MATN2: variants seen among roughly 807,000 people sequenced by gnomAD.
MATN2 encodes the protein matrilin 2.
Under a neutral mutation model 103.2 loss-of-function variants are expected in MATN2, and 69 were observed. That is an observed-to-expected ratio of 0.67 (90% CI 0.55 to 0.82). The LOEUF (loss-of-function observed/expected upper bound fraction) is 0.82, where lower values mean the gene tolerates loss of function less well. Ranked by LOEUF, MATN2 falls within the 40% of genes least tolerant of loss-of-function variation. The pLI is 0.00. For missense variants in MATN2, 1,023 were observed against 1,211.5 expected (o/e 0.84, Z 2.31); for synonymous variants, 429 against 450.2 (o/e 0.95, Z 0.60).
intron 14 of MATN2, among the ~76,000 whole-genome samples, chr8:98,028,936 T>C (rs1001697456): frequency 2.0e-5 from 3 of 152,258 alleles, no homozygotes; most frequent in Middle Eastern, 6.8e-3. Context: ...CTTTAGCAAG[T>C]CCTGTAAGAG....
At chr8:97,961,057 C>G (rs13268771) in intron 4 of MATN2, among the ~76,000 whole-genome samples, 12,750 of 152,120 alleles carry the variant, frequency 0.084, 654 homozygotes, top group African/African-American at 0.13. Flanking sequence ...TCAAGTGATC[C>G]GCCCACCTCG....
chr8:97,972,278 G>T (rs1435818689), intron 5 of MATN2, among the ~76,000 whole-genome samples: 5 of 150,468 alleles, frequency 3.3e-5, no homozygotes, highest in Non-Finnish European at 1.5e-5. Context: ...GGCTGAGGTT[G>T]CAGTGAGCCG....
In MATN2 at chr8:97,998,383, T is replaced by A. The variant is rs760434243; in HGVS notation, c.1204+3781T>A. ...AAAAATATTAAAAAATTAGCCGGGC[T>A]TGGTGGCGGGCGCCTGTAGTCCCAA... On this transcript the variant is annotated intron_variant, in intron 7 of 18. Coordinates refer to ENST00000254898, the MANE Select transcript of MATN2 (RefSeq NM_002380.5). Among the ~76,000 whole-genome samples, 7 of 151,034 alleles carry A rather than the reference T, an allele frequency of 4.6e-5. No individual in the cohort carries two copies. In the South Asian group the frequency reaches 1.5e-3, roughly 32 times the overall value.
rs574414299 is a variant in MATN2 at position 97,958,627 on chromosome 8, C to T, written c.836-2781C>T. Among the ~76,000 whole-genome samples, 8 of 152,234 alleles carry T rather than the reference C, an allele frequency of 5.3e-5. No individual in the cohort carries two copies. In the South Asian group the frequency reaches 1.5e-3, roughly 28 times the overall value. On this transcript the variant is annotated intron_variant, in intron 4 of 18. Coordinates refer to ENST00000254898, the MANE Select transcript of MATN2 (RefSeq NM_002380.5). ...CAGGCAACCCAAAGCTACTTCAGCCCGGAACTCAGAAACCTACTGCTGTTC... is the reference window on the plus strand; with the variant it reads ...CAGGCAACCCAAAGCTACTTCAGCCTGGAACTCAGAAACCTACTGCTGTTC...
At chr8:97,936,827 A>C (rs1323862179) in intron 3 of MATN2, among the ~76,000 whole-genome samples, 2 of 152,224 alleles carry the variant, frequency 1.3e-5, no homozygotes, top group Non-Finnish European at 2.9e-5. Context: ...TGAGGCCTGG[A>C]TGCTCTGAAA....
At chr8:97,992,905 G>A (rs1017975171) in intron 6 of MATN2, among the ~76,000 whole-genome samples, 2 of 149,912 alleles carry the variant, frequency 1.3e-5, no homozygotes, top group Admixed American at 1.3e-4. Flanking sequence ...GGGCGATGGA[G>A]CGAGACTCTG....
At chr8:97,972,943 G>A (rs1407938387) in intron 5 of MATN2, among the ~76,000 whole-genome samples, 1 of 152,210 alleles carries the variant, frequency 6.6e-6, no homozygotes, top group Non-Finnish European at 1.5e-5. Flanking sequence ...AGTTATACAA[G>A]AGGTCACCTC....
chr8:97,979,649 A>G (rs560809832), intron 6 of MATN2, among the ~76,000 whole-genome samples: 61 of 152,360 alleles, frequency 4.0e-4, no homozygotes, highest in South Asian at 2.1e-3. Flanking sequence ...AAGGTACATC[A>G]GGAGACTTAA....
chr8:98,019,674 A>T (rs1020252552), intron 12 of MATN2, among the ~76,000 whole-genome samples: 2 of 152,174 alleles, frequency 1.3e-5, no homozygotes, highest in Non-Finnish European at 2.9e-5. Context: ...GCATTAGGAG[A>T]GTACAGAGCA....
At chr8:97,913,861 C>A (rs1203711516) in intron 2 of MATN2, among the ~76,000 whole-genome samples, 1 of 152,198 alleles carries the variant, frequency 6.6e-6, no homozygotes, top group African/African-American at 2.4e-5. Context: ...CCGATCCGCC[C>A]GCCTTGGCCT....
intron 6 of MATN2, among the ~76,000 whole-genome samples, chr8:97,991,586 G>T (rs1307866260): frequency 3.1e-4 from 47 of 152,130 alleles, no homozygotes; most frequent in Non-Finnish European, 1.5e-4. Context: ...GCTGGGTGTG[G>T]TGGTGTGTGC....
At chr8:98,032,424 TA>T in intron 16 of MATN2, 107 bp downstream of exon 16, 1 of 800,138 alleles carries the variant, frequency 1.2e-6, no homozygotes, top group Middle Eastern at 2.3e-4. Context: ...CAAATTATGA[TA>T]ATGAAGGCCT....
At position 98,021,336 on chromosome 8, in the gene MATN2, T is replaced by A. The variant is rs1329813599; in HGVS notation, c.1942+9T>A. On this transcript the variant is annotated intron_variant, in intron 13 of 18. Coordinates refer to ENST00000254898, the MANE Select transcript of MATN2 (RefSeq NM_002380.5). ...CGGAAGACGGTGCAAGAGTAAGTGA[T>A]CTGAACTTGGCTCTCTGCTTTAATT... is the stretch of plus-strand genomic sequence containing the variant. 1 of 1,611,646 alleles carries A rather than the reference T, an allele frequency of 6.2e-7. No individual in the cohort carries two copies. Among genetic ancestry groups the A allele is most frequent in the East Asian group, 2.2e-5 (1 of 44,814 alleles).
rs140104415 is a variant in MATN2, at chr8:97,981,721, C to T, written c.1081+2713C>T. Among the ~76,000 whole-genome samples, 1,199 of 152,320 alleles carry T rather than the reference C, an allele frequency of 7.9e-3. 13 individuals carry two copies. Among genetic ancestry groups the T allele is most frequent in the Middle Eastern group, 0.034 (10 of 294 alleles). Reference sequence around the variant, plus strand: ...GTCTCCTACCTGCCTCTCCAGACTGCACACACTGGCTGGGGTCACCTGATT... The same window carrying T: ...GTCTCCTACCTGCCTCTCCAGACTGTACACACTGGCTGGGGTCACCTGATT... On this transcript the variant is annotated intron_variant, in intron 6 of 18. Transcript: ENST00000254898.
chr8:97,930,663 C>T lies in MATN2; in HGVS notation c.143-290C>T, dbSNP rs191946584. ...TTTTAATGCAGTCTCACTCTTGTTG[C>T]CCAGGCTGGAGTTCAATGGCACTCT... On this transcript the variant is annotated intron_variant, in intron 2 of 18. Transcript: ENST00000254898. 4.2e-4 allele frequency: 123 copies of T among 294,894 alleles called. 4 individuals carry two copies. The East Asian group carries it at 7.0e-3, about 17-fold the overall frequency. 18.3% of individuals were successfully genotyped at this position (294,894 alleles called of 1,614,324 possible).
chr8:97,941,759 C>G lies in MATN2; in HGVS notation c.713-18C>G. 1 of 1,568,456 alleles carries G rather than the reference C, an allele frequency of 6.4e-7. No homozygotes were observed. Among genetic ancestry groups the G allele is most frequent in the African/African-American group, 1.4e-5 (1 of 74,068 alleles). ...AGGGCATCACTGTTGACTTACCTTC[C>G]TGTGTCTTCCCTTTCAGCGGCCCAT... On this transcript the variant is annotated intron_variant, in intron 3 of 18. Transcript: ENST00000254898.
At chr8:97,898,449 T>C (rs1818884764) in intron 2 of MATN2, among the ~76,000 whole-genome samples, 1 of 151,864 alleles carries the variant, frequency 6.6e-6, no homozygotes, top group Non-Finnish European at 1.5e-5. Context: ...TACAAAAAAT[T>C]AGCCAGGTGT....
intron 4 of MATN2, among the ~76,000 whole-genome samples, chr8:97,958,690 G>A (rs746980101): frequency 1.1e-4 from 16 of 152,170 alleles, no homozygotes; most frequent in Non-Finnish European, 1.5e-5. Context: ...TTTGCTAGAG[G>A]TGCTTAAATT....
At chr8:98,017,397 A>T (rs949865185) in intron 11 of MATN2, among the ~76,000 whole-genome samples, 1 of 152,228 alleles carries the variant, frequency 6.6e-6, no homozygotes, top group Admixed American at 6.5e-5. Context: ...GCTGGTGTAA[A>T]TCTCAAGACA....
Sources: gnomAD v4.1 joint callset for allele counts (sites outside exome capture counted in the v4.1 genomes callset) on GRCh38, gnomAD v4.1.1 for gene constraint, MANE v1.5 for transcripts, NCBI Gene and HGNC (gene_info 2026-07-23, HGNC 2026-07-21) for gene names.